The following TMEM156 variants were observed in gnomAD, a reference collection of about 807,000 sequenced individuals.
TMEM156 encodes the protein transmembrane protein 156.
TMEM156 carries 28 observed loss-of-function variants against 30.5 expected under a neutral mutation model. That is an observed-to-expected ratio of 0.92 (90% CI 0.68 to 1.26). The LOEUF is 1.26. Ranked by LOEUF, TMEM156 falls within the 50% of genes most tolerant of loss-of-function variation. The probability of loss-of-function intolerance (pLI) is 0.00; values close to 1 mark genes in which losing one functional copy is unlikely to be tolerated. For synonymous variants in TMEM156, 137 were observed against 119.9 expected, an observed-to-expected ratio of 1.14 and a Z score of -0.93; for missense variants, 351 against 340.6, an observed-to-expected ratio of 1.03 and a Z score of -0.24.
At chr4:38,986,111 C>T (rs1711960826) in intron 5 of TMEM156, among the ~76,000 whole-genome samples, 1 of 152,196 alleles carries the variant, frequency 6.6e-6, no homozygotes, top group Non-Finnish European at 1.5e-5. Flanking sequence ...TTCTTCTTGC[C>T]AATTAAGCAA....
intron 1 of TMEM156, among the ~76,000 whole-genome samples, chr4:39,008,103 C>T (rs1308066185): frequency 6.6e-6 from 1 of 152,100 alleles, no homozygotes; most frequent in East Asian, 1.9e-4. Context: ...TTCCAATCTT[C>T]ATACTTTTTA....
chr4:39,026,400 C>G (rs541388802), intron 1 of TMEM156, among the ~76,000 whole-genome samples: 28 of 151,754 alleles, frequency 1.8e-4, no homozygotes, highest in East Asian at 9.7e-4. Context: ...ACTAAGGGAG[C>G]ATTTATCCAC....
chr4:38,976,635 A>G (rs1165496281), intron 5 of TMEM156, among the ~76,000 whole-genome samples: 2 of 152,208 alleles, frequency 1.3e-5, no homozygotes, highest in Non-Finnish European at 2.9e-5. Flanking sequence ...GTGTGTGGTA[A>G]TTGGTTACAC....
intron 5 of TMEM156, among the ~76,000 whole-genome samples, chr4:38,979,600 T>A (rs1156303880): frequency 6.6e-6 from 1 of 152,214 alleles, no homozygotes; most frequent in Non-Finnish European, 1.5e-5. Context: ...TATGGGTAGC[T>A]GACCTTGGAA....
chr4:39,007,849 G>T (rs1486326944), intron 1 of TMEM156, among the ~76,000 whole-genome samples: 1 of 151,964 alleles, frequency 6.6e-6, no homozygotes, highest in African/African-American at 2.4e-5. Flanking sequence ...TATATTATTA[G>T]ATTAATAATT....
chr4:38,971,517 C>A (rs898502305), intron 5 of TMEM156, among the ~76,000 whole-genome samples: 1 of 152,164 alleles, frequency 6.6e-6, no homozygotes, highest in African/African-American at 2.4e-5. Flanking sequence ...ATCTCAGGGA[C>A]AATTTTACCA....
chr4:38,985,820 G>C (rs2109914392), intron 5 of TMEM156, among the ~76,000 whole-genome samples: 1 of 152,314 alleles, frequency 6.6e-6, no homozygotes, highest in South Asian at 2.1e-4. Context: ...GAAAGGGATT[G>C]AACCACAACA....
At chr4:39,028,943 C>T (rs1715363048) in intron 1 of TMEM156, among the ~76,000 whole-genome samples, 1 of 152,180 alleles carries the variant, frequency 6.6e-6, no homozygotes, top group South Asian at 2.1e-4. Context: ...AAGTCTCACA[C>T]AGTGTTGAAG....
intron 1 of TMEM156, among the ~76,000 whole-genome samples, chr4:39,024,586 A>G (rs1715079663): frequency 6.6e-6 from 1 of 152,212 alleles, no homozygotes; most frequent in Non-Finnish European, 1.5e-5. Context: ...CAGAAAACCA[A>G]GTATCACATG....
intron 3 of TMEM156, among the ~76,000 whole-genome samples, chr4:38,992,718 A>T (rs1560366927): frequency 2.3e-5 from 1 of 43,414 alleles, no homozygotes. Flanking sequence ...TATATTATAT[A>T]TATATAATAT....
chr4:39,007,203 T>C (rs759548106), intron 1 of TMEM156, among the ~76,000 whole-genome samples: 12 of 152,156 alleles, frequency 7.9e-5, no homozygotes, highest in Admixed American at 2.6e-4. Flanking sequence ...TTTTCCTGTA[T>C]ACAAGCTCTT....
chr4:39,017,009 T>C (rs1714532461), intron 1 of TMEM156, among the ~76,000 whole-genome samples: 1 of 151,982 alleles, frequency 6.6e-6, no homozygotes, highest in Non-Finnish European at 1.5e-5. Flanking sequence ...AACCATCAGA[T>C]CTCATGATAT....
chr4:38,972,758 T>C (rs1243979746), intron 5 of TMEM156, among the ~76,000 whole-genome samples: 1 of 152,214 alleles, frequency 6.6e-6, no homozygotes, highest in Non-Finnish European at 1.5e-5. Flanking sequence ...TCCAGTCTTA[T>C]CCTTCACCAT....
rs535914455 is a variant in TMEM156, at chr4:39,020,038, T to G, written c.88+12188A>C. ...GTTCAACTCTTTACGACTCCATATATAGTGAGATCATGTGGCATTTTTCTT... is the reference window on the plus strand; with the variant it reads ...GTTCAACTCTTTACGACTCCATATAGAGTGAGATCATGTGGCATTTTTCTT... On this transcript the variant is annotated intron_variant, in intron 1 of 6. Transcript: ENST00000381938. Among the ~76,000 whole-genome samples, 6 of 152,320 alleles carry G rather than the reference T, an allele frequency of 3.9e-5. No individual in the cohort carries two copies. In the South Asian group the frequency reaches 1.0e-3, roughly 26 times the overall value.
chr4:39,002,610 A>T (rs1485005781), intron 1 of TMEM156, among the ~76,000 whole-genome samples: 1 of 147,960 alleles, frequency 6.8e-6, no homozygotes, highest in Admixed American at 6.8e-5. Context: ...CATTATTCAC[A>T]ATAGCAAAGA....
chr4:38,991,785 AAT>A (rs1712485116), intron 3 of TMEM156, among the ~76,000 whole-genome samples: 1 of 152,170 alleles, frequency 6.6e-6, no homozygotes, highest in Non-Finnish European at 1.5e-5. Flanking sequence ...CATTGAAAAA[AAT>A]ATGTTTTTGA....
At chr4:39,016,372 A>T (rs1441700033) in intron 1 of TMEM156, among the ~76,000 whole-genome samples, 5 of 100,774 alleles carry the variant, frequency 5.0e-5, no homozygotes, top group Non-Finnish European at 9.5e-5. Flanking sequence ...GACTCTGCCT[A>T]AAAAAAAAAA....
At chr4:39,005,989 G>A (rs1335445025) in intron 1 of TMEM156, among the ~76,000 whole-genome samples, 1 of 152,038 alleles carries the variant, frequency 6.6e-6, no homozygotes, top group Non-Finnish European at 1.5e-5. Flanking sequence ...TCTGCCTCCC[G>A]GGTTCAAGCG....
chr4:38,974,210 T>C (rs1722742450), intron 5 of TMEM156, among the ~76,000 whole-genome samples: 2 of 148,796 alleles, frequency 1.3e-5, no homozygotes, highest in Non-Finnish European at 3.0e-5. Flanking sequence ...TTTCTCTCTT[T>C]TTTTTTTTTT....
Sources: allele counts gnomAD v4.1 joint callset (sites outside exome capture counted in the v4.1 genomes callset), GRCh38; gene constraint gnomAD v4.1.1; transcripts MANE v1.5; gene names NCBI Gene and HGNC (gene_info 2026-07-23, HGNC 2026-07-21).